Variants in SLFN12L observed in about 807,000 individuals in gnomAD.
The protein encoded by SLFN12L is schlafen family member 12 like.
In SLFN12L, 34 loss-of-function variants were observed where a neutral mutation model predicts 34.8. The observed-to-expected ratio is 0.98, with a 90% CI of 0.74 to 1.30. The LOEUF (loss-of-function observed/expected upper bound fraction) is 1.30, where lower values mean the gene tolerates loss of function less well. SLFN12L is among the 50% of genes most tolerant of loss of function. The pLI is 0.00. For synonymous variants in SLFN12L, 259 were observed against 247.5 expected (o/e 1.05, Z -0.44); for missense variants, 703 against 696.2 (o/e 1.01, Z -0.11).
intron 1 of SLFN12L, among the ~76,000 whole-genome samples, chr17:35,529,488 A>G (rs1209275456): frequency 6.6e-6 from 1 of 152,262 alleles, no homozygotes; most frequent in African/African-American, 2.4e-5. Flanking sequence ...AATGTGGCAC[A>G]TATACACCAT....
chr17:35,492,543 G>A (rs765288087), intron 2 of SLFN12L, among the ~76,000 whole-genome samples: 1 of 152,204 alleles, frequency 6.6e-6, no homozygotes, highest in Non-Finnish European at 1.5e-5. Flanking sequence ...ACTGTGTTGG[G>A]GGCTGGAATA....
rs1913688019 is a variant in SLFN12L, at chr17:35,464,327, T to C, written c.*10596A>G. 6.6e-6 allele frequency: 1 copy of C among 152,168 alleles called. No individual in the cohort carries two copies. The highest frequency in any genetic ancestry group is 1.5e-5 in the Non-Finnish European group (1 of 68,038). The allele number at this position is 152,168 out of a possible 1,614,324, so 9.4% of individuals were successfully genotyped here. A position where few individuals can be genotyped will look rare whatever the true frequency, so the allele number is the denominator to read the frequency against. On this transcript the variant is annotated 3_prime_UTR_variant, in exon 5 of 5. Coordinates refer to ENST00000628453, the MANE Select transcript of SLFN12L (RefSeq NM_001363830.2). ...TGAAGGCTCATTACACAGGTAAACA[T>C]GTGTCATGGGGTTTTGTTATACATA...
intron 2 of SLFN12L, among the ~76,000 whole-genome samples, chr17:35,485,629 T>C (rs542311983): frequency 2.6e-5 from 4 of 152,378 alleles, no homozygotes; most frequent in Admixed American, 2.0e-4. Flanking sequence ...GATTTTCTTC[T>C]AGAACTTTTA....
In SLFN12L at chr17:35,475,134, A is replaced by G. The variant is rs201282558; in HGVS notation, c.1628T>C (p.Leu543Ser). 6.1e-4 allele frequency: 987 copies of G among 1,614,036 alleles called. 7 individuals are homozygous for G. The African/African-American group carries it at 0.012, about 19-fold the overall frequency. The stretch of plus-strand genomic sequence containing the variant: ...GCAGCTTGTCTTGCCTTCAGGGCTC[A>G]AGTAGAAGATCTTTGTCATGACACA... ...KVCVMTKIFY[L>S]SPEGKTSCQY... is the part of the protein sequence containing the mutation. The change falls in exon 5 of 5, where the codon TTG (leucine) becomes TCG (serine). Residue 543 changes from leucine to serine, a missense_variant. By Grantham distance (145) the Leu-to-Ser change is moderately radical (BLOSUM62 -2). Coordinates refer to ENST00000628453, the MANE Select transcript of SLFN12L (RefSeq NM_001363830.2).
intron 2 of SLFN12L, among the ~76,000 whole-genome samples, chr17:35,497,312 A>C (rs1597854911): frequency 6.6e-6 from 1 of 151,922 alleles, no homozygotes; most frequent in African/African-American, 2.4e-5. Context: ...AATCGCTTGA[A>C]CCCGGGAGGC....
chr17:35,480,196 C>A lies in SLFN12L; in HGVS notation c.87-1G>T, dbSNP rs542717798. ...GCCATTTCCACGCAGAAATTCTTTT[C>A]TGTAAAATAGAGCCGTTAGAATAGG... On this transcript the variant is annotated splice_acceptor_variant, in intron 2 of 4. Coordinates refer to ENST00000628453, the MANE Select transcript of SLFN12L (RefSeq NM_001363830.2). LOFTEE classifies it high-confidence loss of function. 2 of 1,569,586 alleles carry A rather than the reference C, an allele frequency of 1.3e-6. No individual in the cohort carries two copies. Among genetic ancestry groups the A allele is most frequent in the South Asian group, 2.4e-5 (2 of 84,402 alleles).
At position 35,480,207 on chromosome 17, in the gene SLFN12L, A is replaced by C; in HGVS notation, c.87-12T>G. The C allele has an allele frequency of 6.5e-7, 1 of 1,545,164 alleles. No individual in the cohort carries two copies. The highest frequency in any genetic ancestry group is 1.2e-5 in the South Asian group (1 of 80,714). On this transcript the variant is annotated splice_polypyrimidine_tract_variant and intron_variant, in intron 2 of 4. Coordinates refer to ENST00000628453, the MANE Select transcript of SLFN12L (RefSeq NM_001363830.2). ...GCAGAAATTCTTTTCTGTAAAATAGAGCCGTTAGAATAGGAGTTAAGCCTG... is the reference window on the plus strand; with the variant it reads ...GCAGAAATTCTTTTCTGTAAAATAGCGCCGTTAGAATAGGAGTTAAGCCTG...
At chr17:35,532,604 A>G (rs2072422574) in intron 1 of SLFN12L, among the ~76,000 whole-genome samples, 1 of 152,104 alleles carries the variant, frequency 6.6e-6, no homozygotes, top group Non-Finnish European at 1.5e-5. Flanking sequence ...TAAAACTTCA[A>G]AATCAGGCCA....
intron 2 of SLFN12L, among the ~76,000 whole-genome samples, chr17:35,482,952 G>T (rs1423112682): frequency 6.6e-6 from 1 of 152,086 alleles, no homozygotes; most frequent in East Asian, 1.9e-4. Context: ...AGCCAGAGCA[G>T]GGGCAGAGGA....
intron 1 of SLFN12L, among the ~76,000 whole-genome samples, chr17:35,533,976 G>A (rs985077466): frequency 1.3e-5 from 2 of 152,152 alleles, no homozygotes; most frequent in African/African-American, 4.8e-5. Context: ...GGAGGCTGAG[G>A]CACGAGAATT....
chr17:35,526,278 A>C (rs182282924), intron 1 of SLFN12L, among the ~76,000 whole-genome samples: 2 of 152,228 alleles, frequency 1.3e-5, no homozygotes, highest in Admixed American at 6.5e-5. Flanking sequence ...AACACTCTAC[A>C]GTCAATATTA....
At chr17:35,531,212 T>C (rs551105985) in intron 1 of SLFN12L, among the ~76,000 whole-genome samples, 1 of 152,388 alleles carries the variant, frequency 6.6e-6, no homozygotes, top group African/African-American at 2.4e-5. Context: ...TTTGCTTTTT[T>C]GTCTGGTTTT....
At chr17:35,526,428 C>T (rs1338675392) in intron 1 of SLFN12L, among the ~76,000 whole-genome samples, 4 of 152,202 alleles carry the variant, frequency 2.6e-5, no homozygotes, top group Non-Finnish European at 5.9e-5. Flanking sequence ...CCTCATGGCA[C>T]TTATTCTAAA....
intron 2 of SLFN12L, among the ~76,000 whole-genome samples, chr17:35,502,542 T>C (rs1047157383): frequency 6.8e-6 from 1 of 148,004 alleles, no homozygotes; most frequent in African/African-American, 2.5e-5. Flanking sequence ...CGACCAGACC[T>C]AGGAGGAACT....
At chr17:35,505,903 G>A (rs971151878) in intron 2 of SLFN12L, among the ~76,000 whole-genome samples, 1 of 152,210 alleles carries the variant, frequency 6.6e-6, no homozygotes, top group Non-Finnish European at 1.5e-5. Flanking sequence ...TCCTCAGACT[G>A]AGGACTGTTC....
intron 2 of SLFN12L, chr17:35,490,496 A>G: frequency 1.1e-6 from 1 of 935,314 alleles, no homozygotes; most frequent in South Asian, 1.3e-5. Context: ...AAAGCTCTGA[A>G]AGGCATCCAT....
At position 35,522,951 on chromosome 17, in the gene SLFN12L, C is replaced by A; in HGVS notation, c.-587G>T. On this transcript the variant is annotated 5_prime_UTR_variant, in exon 2 of 5. Transcript: ENST00000628453. ...CTTCCAGAGGGATTCCAGAGTACAT[C>A]GCAAATATCCTGGTAGCACTAGATG... The A allele has an allele frequency of 1.8e-6, 1 of 540,760 alleles. No homozygotes were observed. The highest frequency in any genetic ancestry group is 2.9e-5 in the East Asian group (1 of 34,316). The allele number at this position is 540,760 out of a possible 1,614,324, so 33.5% of individuals were successfully genotyped here. A position where few individuals can be genotyped will look rare whatever the true frequency, so the allele number is the denominator to read the frequency against.
chr17:35,529,416 T>C (rs922311716), intron 1 of SLFN12L, among the ~76,000 whole-genome samples: 1 of 152,192 alleles, frequency 6.6e-6, no homozygotes, highest in African/African-American at 2.4e-5. Flanking sequence ...TGTGGCACTA[T>C]TCACAATAGC....
Position 35,475,321 on chromosome 17 carries a change from G to C in SLFN12L, c.1441C>G (p.His481Asp), listed in dbSNP as rs1383914313. The C allele has an allele frequency of 6.2e-7, 1 of 1,614,176 alleles. No homozygotes were observed. The highest frequency in any genetic ancestry group is 8.5e-7 in the Non-Finnish European group (1 of 1,180,038). Residue 481 changes from histidine (H) to aspartate (D), a missense_variant, in exon 5 of 5, where the codon CAC becomes GAC. His to Asp is a moderately conservative substitution (Grantham distance 81, BLOSUM62 -1). Transcript: ENST00000628453. ...AGAAGAGCATCACAGAGGACTTTGT[G>C]GTTCTCTTGCAAGCCCAGATCCAAA... Reference protein sequence around the residue: ...WSLDLGLQENHKVLCDALLIS... With the variant: ...WSLDLGLQENDKVLCDALLIS...
Sources: gnomAD v4.1 joint callset for allele counts (sites outside exome capture counted in the v4.1 genomes callset) on GRCh38, gnomAD v4.1.1 for gene constraint, MANE v1.5 for transcripts, NCBI Gene and HGNC (gene_info 2026-07-23, HGNC 2026-07-21) for gene names.